PRKCD: variants seen among roughly 807,000 people sequenced by gnomAD.
PRKCD encodes protein kinase C delta, also known as protein kinase C delta type.
In PRKCD, 20 loss-of-function variants were observed where a neutral mutation model predicts 82.2. The observed-to-expected ratio is 0.24, with a 90% CI of 0.17 to 0.35. The LOEUF (loss-of-function observed/expected upper bound fraction) is 0.35, where lower values mean the gene tolerates loss of function less well. Among genes scored for constraint, PRKCD ranks in the 10% least tolerant of loss-of-function variants. PRKCD has a pLI of 1.00. For missense variants in PRKCD, 607 were observed against 899.0 expected (o/e 0.68, Z 4.15); for synonymous variants, 317 against 337.0 (o/e 0.94, Z 0.65).
At chr3:53,170,450 G>A (rs11130347) in intron 2 of PRKCD, among the ~76,000 whole-genome samples, 79,412 of 152,186 alleles carry the variant, frequency 0.52, 24,339 homozygotes, top group East Asian at 0.75. Context: ...CTCCCCCTGC[G>A]CGCCAGGCCT....
chr3:53,190,235 A>G (rs1312099717), intron 18 of PRKCD, among the ~76,000 whole-genome samples: 1 of 152,196 alleles, frequency 6.6e-6, no homozygotes, highest in Admixed American at 6.5e-5. Context: ...TTTGGGAAAT[A>G]GAGTTAAGAC....
At chr3:53,166,209 G>C (rs531414025) in intron 2 of PRKCD, among the ~76,000 whole-genome samples, 8 of 152,202 alleles carry the variant, frequency 5.3e-5, no homozygotes, top group Non-Finnish European at 1.0e-4. Context: ...TCTGGGGTAG[G>C]AGTTGGGACA....
chr3:53,192,018 C>A, intron 18 of PRKCD, 90 bp from the exon 19 acceptor site: 2 of 1,408,410 alleles, frequency 1.4e-6, no homozygotes, highest in Non-Finnish European at 9.9e-7. Flanking sequence ...ACAGCTCTGG[C>A]CTGGCCCAGC....
rs377558890 is a variant in PRKCD, at chr3:53,181,252, T to A, written c.361T>A (p.Phe121Ile). ...QAKVLMSVQY[F>I]LEDVDCKQSM... ...CAAGGTGTTGATGTCTGTTCAGTAT[T>A]TCCTGGAGGACGTGGGTAAGAACTC... The change falls in exon 5 of 19, where the codon TTC becomes ATC. Residue 121 changes from phenylalanine to isoleucine, a missense_variant. Around this residue, in one of 5 missense-constraint regions of PRKCD, gnomAD observed 161 missense variants for 227.0 expected, o/e 0.71. Transcript: ENST00000330452. 1 of 1,613,862 alleles carries A rather than the reference T, an allele frequency of 6.2e-7. No homozygotes were observed. Among genetic ancestry groups the A allele is most frequent in the Non-Finnish European group, 8.5e-7 (1 of 1,179,932 alleles).
intron 7 of PRKCD, among the ~76,000 whole-genome samples, 175 bp from the exon 8 acceptor site, chr3:53,182,946 T>C (rs1024804898): frequency 6.6e-6 from 1 of 152,184 alleles, no homozygotes; most frequent in Non-Finnish European, 1.5e-5. Flanking sequence ...GGCTCCTCCT[T>C]CGAGGGCTGG....
At chr3:53,183,707 T>G in intron 9 of PRKCD, 126 bp downstream of exon 9, 3 of 1,354,350 alleles carry the variant, frequency 2.2e-6, no homozygotes, top group East Asian at 5.1e-5. Flanking sequence ...AGGGACCTGA[T>G]GAGGGTGAGG....
chr3:53,179,808 G>GTGTGTGTGTGTC (rs1432725836), intron 4 of PRKCD, 32 bp downstream of exon 4: 1 of 1,549,342 alleles, frequency 6.5e-7, no homozygotes, highest in African/African-American at 1.4e-5. Context: ...CCGTGTGTGT[G>GTGTGTGTGTGTC]TGTGTGTGTG....
At chr3:53,190,427 G>A (rs548934499) in intron 18 of PRKCD, among the ~76,000 whole-genome samples, 4 of 152,262 alleles carry the variant, frequency 2.6e-5, no homozygotes, top group East Asian at 3.9e-4. Flanking sequence ...TTTGTGATAC[G>A]AGATGACAGT....
intron 16 of PRKCD, 69 bp downstream of exon 16, chr3:53,188,927 G>T: frequency 1.3e-6 from 2 of 1,598,564 alleles, no homozygotes. Flanking sequence ...GCCAGGGAAG[G>T]ATTCCCAAGG....
intron 2 of PRKCD, among the ~76,000 whole-genome samples, chr3:53,177,105 C>T (rs1703238376): frequency 6.6e-6 from 1 of 152,172 alleles, no homozygotes; most frequent in South Asian, 2.1e-4. Context: ...GCTGAGATTA[C>T]AGGCATGAGC....
At chr3:53,164,454 G>T (rs560639983) in intron 1 of PRKCD, among the ~76,000 whole-genome samples, 1 of 152,022 alleles carries the variant, frequency 6.6e-6, no homozygotes, top group African/African-American at 2.4e-5. Context: ...GTGGTGGCGC[G>T]CACCTGTAAT....
At chr3:53,170,739 G>A (rs1399731905) in intron 2 of PRKCD, among the ~76,000 whole-genome samples, 2 of 152,236 alleles carry the variant, frequency 1.3e-5, no homozygotes, top group African/African-American at 2.4e-5. Flanking sequence ...ACTTCATGGT[G>A]CCAGACTCTA....
In PRKCD at chr3:53,169,688, G is replaced by A. The variant is rs1205982805; in HGVS notation, c.-20+4473G>A. 2.0e-5 allele frequency among the ~76,000 whole-genome samples: 3 copies of A among 152,180 alleles called. No individual in the cohort carries two copies. Among genetic ancestry groups the A allele is most frequent in the African/African-American group, 7.2e-5 (3 of 41,436 alleles). ...AGGTCTCCATTGTTGAGACAGGGAG[G>A]CTGGAGCCCCGGGAGGGGCAGTAGC... is the stretch of plus-strand genomic sequence containing the variant. On this transcript the variant is annotated intron_variant, in intron 2 of 18. Coordinates refer to ENST00000330452, the MANE Select transcript of PRKCD (RefSeq NM_006254.4). The surrounding 1 kb of genome is among the most constrained non-coding windows in gnomAD (Gnocchi z 4.7).
chr3:53,179,657 G>T lies in PRKCD; in HGVS notation c.196G>T (p.Gly66Trp). The T allele has an allele frequency of 6.2e-7, 1 of 1,613,960 alleles. No homozygotes were observed. Residue 66 changes from glycine (G) to tryptophan (W), a missense_variant, in exon 4 of 19, where the codon GGG becomes TGG. Gly to Trp is a radical substitution (Grantham distance 184, BLOSUM62 -2). Around this residue, in one of 5 missense-constraint regions of PRKCD, gnomAD observed 161 missense variants for 227.0 expected, o/e 0.71. Transcript: ENST00000330452. ...GACGTTCGATGCCCACATCTATGAG[G>T]GGCGCGTCATCCAGATTGTGCTAAT... ...KSTFDAHIYEGRVIQIVLMRA... is the reference protein window; with the variant it reads ...KSTFDAHIYEWRVIQIVLMRA...
intron 9 of PRKCD, among the ~76,000 whole-genome samples, 199 bp from the exon 10 acceptor site, chr3:53,184,675 C>A (rs1473654050): frequency 5.1e-3 from 598 of 116,322 alleles, no homozygotes; most frequent in East Asian, 6.2e-3. Flanking sequence ...AACTCCATCT[C>A]AAAAAAAAAA....
chr3:53,185,551 G>T, intron 10 of PRKCD, 53 bp from the exon 11 acceptor site: 2 of 1,476,574 alleles, frequency 1.4e-6, no homozygotes, highest in Non-Finnish European at 1.9e-6. Flanking sequence ...TCTGGGCTGG[G>T]AGTTCTGATA....
At chr3:53,168,838 G>C (rs534889558) in intron 2 of PRKCD, among the ~76,000 whole-genome samples, 1 of 151,070 alleles carries the variant, frequency 6.6e-6, no homozygotes, top group Non-Finnish European at 1.5e-5. Context: ...TGATGGGGAG[G>C]GGGGTGGCGG....
chr3:53,176,659 C>T (rs112246551), intron 2 of PRKCD, among the ~76,000 whole-genome samples: 120 of 152,368 alleles, frequency 7.9e-4, no homozygotes, highest in Middle Eastern at 6.8e-3. Flanking sequence ...GCTTGCACAC[C>T]TGTGTGTCCT....
chr3:53,163,454 G>T (rs1702740277), intron 1 of PRKCD, among the ~76,000 whole-genome samples: 1 of 151,936 alleles, frequency 6.6e-6, no homozygotes, highest in Non-Finnish European at 1.5e-5. Context: ...AAGTCTTGGG[G>T]TTTGTAGTGT....
Sources: gnomAD v4.1 joint callset for allele counts (sites outside exome capture counted in the v4.1 genomes callset) on GRCh38, gnomAD v4.1.1 for gene constraint, gnomAD v4.1.1 regional missense constraint, Gnocchi (gnomAD v3.1) non-coding constraint, MANE v1.5 for transcripts, NCBI Gene and HGNC (gene_info 2026-07-23, HGNC 2026-07-21) for gene names.